ALCAM: variants seen among roughly 807,000 people sequenced by gnomAD.
ALCAM encodes activated leukocyte cell adhesion molecule.
ALCAM carries 30 observed loss-of-function variants against 70.9 expected under a neutral mutation model. That is an observed-to-expected ratio of 0.42 (90% CI 0.32 to 0.57). The LOEUF is 0.57. Ranked by LOEUF, ALCAM falls within the 20% of genes least tolerant of loss-of-function variation. ALCAM has a pLI of 0.11. For missense variants in ALCAM, 591 were observed against 695.1 expected, an observed-to-expected ratio of 0.85 and a Z score of 1.68; for synonymous variants, 249 against 242.5, an observed-to-expected ratio of 1.03 and a Z score of -0.25.
intron 1 of ALCAM, among the ~76,000 whole-genome samples, chr3:105,509,574 T>C (rs1939177816): frequency 6.6e-6 from 1 of 152,094 alleles, no homozygotes; most frequent in South Asian, 2.1e-4. Context: ...GTGGGTTTTG[T>C]TTTGTTTACT....
intron 1 of ALCAM, among the ~76,000 whole-genome samples, chr3:105,513,519 T>C (rs1355015553): frequency 6.6e-6 from 1 of 151,942 alleles, no homozygotes; most frequent in Non-Finnish European, 1.5e-5. Flanking sequence ...CACTACCCTG[T>C]AGCTGTATTC....
chr3:105,497,285 C>T (rs1938772736), intron 1 of ALCAM, among the ~76,000 whole-genome samples: 1 of 152,128 alleles, frequency 6.6e-6, no homozygotes, highest in Admixed American at 6.5e-5. Flanking sequence ...AAAGAGAAGA[C>T]TTCCCCAGCC....
At chr3:105,535,327 G>C (rs909869103) in intron 6 of ALCAM, among the ~76,000 whole-genome samples, 2 of 152,136 alleles carry the variant, frequency 1.3e-5, no homozygotes, top group African/African-American at 4.8e-5. Flanking sequence ...ATGGTCATCT[G>C]TTCTAACTTC....
intron 1 of ALCAM, among the ~76,000 whole-genome samples, chr3:105,451,563 G>T (rs557493450): frequency 1.3e-5 from 2 of 151,958 alleles, no homozygotes; most frequent in South Asian, 4.2e-4. Flanking sequence ...AAGAAAGCAG[G>T]TCTACAAAAC....
At chr3:105,498,045 AGG>A (rs371999837) in intron 1 of ALCAM, among the ~76,000 whole-genome samples, 3 of 148,410 alleles carry the variant, frequency 2.0e-5, no homozygotes, top group South Asian at 2.1e-4. Flanking sequence ...AAAAAAAAAA[AGG>A]GGGGAAATTG....
At chr3:105,539,803 C>T (rs1490472147) in intron 6 of ALCAM, among the ~76,000 whole-genome samples, 172 bp from the exon 7 acceptor site, 2 of 151,938 alleles carry the variant, frequency 1.3e-5, no homozygotes. Flanking sequence ...AAGATTAGTA[C>T]TTGTATAGCA....
At chr3:105,531,074 A>G (rs79581266) in intron 3 of ALCAM, among the ~76,000 whole-genome samples, 2 of 152,098 alleles carry the variant, frequency 1.3e-5, no homozygotes, top group African/African-American at 4.8e-5. Context: ...ATTTTGGTCC[A>G]TGAGACTCAC....
At chr3:105,467,257 G>A (rs1157175092) in intron 1 of ALCAM, among the ~76,000 whole-genome samples, 1 of 151,176 alleles carries the variant, frequency 6.6e-6, no homozygotes, top group East Asian at 1.9e-4. Flanking sequence ...TGTTTATCTA[G>A]TAAGAGTTTG....
chr3:105,421,458 T>A (rs1336982427), intron 1 of ALCAM, among the ~76,000 whole-genome samples: 1 of 151,490 alleles, frequency 6.6e-6, no homozygotes, highest in African/African-American at 2.4e-5. Context: ...CCAACAAAAT[T>A]GGTAATTTAA....
chr3:105,479,419 A>G lies in ALCAM; in HGVS notation c.74-40648A>G, dbSNP rs534286007. ...TGATGAGTTTAAGAAACCTTCCTAAATATCATCAAAATAACTACTAAAATA... is the reference window on the plus strand; with the variant it reads ...TGATGAGTTTAAGAAACCTTCCTAAGTATCATCAAAATAACTACTAAAATA... On this transcript the variant is annotated intron_variant, in intron 1 of 15. Transcript: ENST00000306107. Among the ~76,000 whole-genome samples the G allele has an allele frequency of 2.8e-4, 43 of 152,328 alleles. 1 individual carries two copies. In the South Asian group the frequency reaches 3.9e-3, roughly 14 times the overall value.
intron 1 of ALCAM, among the ~76,000 whole-genome samples, chr3:105,504,004 A>C (rs1314075709): frequency 6.6e-6 from 1 of 152,244 alleles, no homozygotes; most frequent in Non-Finnish European, 1.5e-5. Context: ...ATAAAAGCCA[A>C]AGAGACATAA....
At chr3:105,407,300 A>C (rs1025342300) in intron 1 of ALCAM, among the ~76,000 whole-genome samples, 1 of 152,170 alleles carries the variant, frequency 6.6e-6, no homozygotes, top group African/African-American at 2.4e-5. Context: ...TCCCTAATGA[A>C]CATAGATGCA....
chr3:105,454,610 A>C (rs998385856), intron 1 of ALCAM, among the ~76,000 whole-genome samples: 4 of 149,740 alleles, frequency 2.7e-5, no homozygotes, highest in African/African-American at 4.9e-5. Context: ...TTTATTTCTC[A>C]ATAGCACCTA....
intron 1 of ALCAM, among the ~76,000 whole-genome samples, chr3:105,448,890 G>A (rs1394045522): frequency 3.3e-5 from 5 of 152,264 alleles, no homozygotes; most frequent in African/African-American, 7.2e-5. Context: ...GATTCTGCCC[G>A]GGTGTCAACA....
rs1935079599 is a variant in ALCAM, at chr3:105,367,169, G to A, written c.-240G>A. Reference sequence around the variant, plus strand: ...GGTCGTTGTCCCCGGAGGAGCAGCCGAAGGGCCCGTGGGCTGGTGTTGACC... The same window carrying A: ...GGTCGTTGTCCCCGGAGGAGCAGCCAAAGGGCCCGTGGGCTGGTGTTGACC... On this transcript the variant is annotated 5_prime_UTR_variant, in exon 1 of 16. Transcript: ENST00000306107. The A allele has an allele frequency of 9.4e-6, 5 of 532,814 alleles. No homozygotes were observed. Among genetic ancestry groups the A allele is most frequent in the East Asian group, 3.3e-5 (1 of 30,338 alleles). The allele number at this position is 532,814 out of a possible 1,614,324, so 33.0% of individuals were successfully genotyped here. A position where few individuals can be genotyped will look rare whatever the true frequency, so the allele number is the denominator to read the frequency against.
At chr3:105,521,727 A>G (rs1054736488) in intron 2 of ALCAM, among the ~76,000 whole-genome samples, 1 of 152,204 alleles carries the variant, frequency 6.6e-6, no homozygotes, top group Non-Finnish European at 1.5e-5. Context: ...ATCATTCAAC[A>G]AAGTGAACTC....
At chr3:105,569,519 T>C (rs1047875177) in intron 14 of ALCAM, among the ~76,000 whole-genome samples, 27 of 152,158 alleles carry the variant, frequency 1.8e-4, no homozygotes, top group Non-Finnish European at 3.7e-4. Flanking sequence ...TTCAATGTAG[T>C]ATTTTGTCAA....
At chr3:105,371,392 T>A (rs1019832693) in intron 1 of ALCAM, among the ~76,000 whole-genome samples, 16 of 152,130 alleles carry the variant, frequency 1.1e-4, no homozygotes, top group African/African-American at 3.9e-4. Flanking sequence ...GCATTTCAAA[T>A]TTTTTAAGTA....
intron 1 of ALCAM, among the ~76,000 whole-genome samples, chr3:105,422,588 G>A (rs763513636): frequency 6.6e-6 from 1 of 151,310 alleles, no homozygotes; most frequent in Non-Finnish European, 1.5e-5. Flanking sequence ...AATTTATGGC[G>A]CTGTTGTAAT....
Sources: gnomAD v4.1 joint callset for allele counts (sites outside exome capture counted in the v4.1 genomes callset) on GRCh38, gnomAD v4.1.1 for gene constraint, MANE v1.5 for transcripts, NCBI Gene and HGNC (gene_info 2026-07-23, HGNC 2026-07-21) for gene names.